Variants in EML1 observed in about 807,000 individuals in gnomAD.
EML1 encodes EMAP like 1.
EML1 carries 27 observed loss-of-function variants against 110.4 expected under a neutral mutation model. The ratio of observed to expected loss-of-function variants is 0.24; its 90% CI spans 0.18 to 0.34. The LOEUF is 0.34. Ranked by LOEUF, EML1 falls within the 10% of genes least tolerant of loss-of-function variation. The pLI is 1.00. For synonymous variants in EML1, 344 were observed against 385.8 expected, an observed-to-expected ratio of 0.89 and a Z score of 1.27; for missense variants, 741 against 1,030.9, an observed-to-expected ratio of 0.72 and a Z score of 3.85.
chr14:99,877,525 G>A (rs1020715547), intron 3 of EML1, among the ~76,000 whole-genome samples: 7 of 152,144 alleles, frequency 4.6e-5, no homozygotes, highest in South Asian at 2.1e-4. Context: ...GATCTTTCCC[G>A]GAATTTCGCA....
At chr14:99,778,249 T>A (rs1246808030) in intron 1 of EML1, among the ~76,000 whole-genome samples, 2 of 152,258 alleles carry the variant, frequency 1.3e-5, no homozygotes, top group Admixed American at 6.5e-5. Flanking sequence ...AAATTTGGCC[T>A]GTGTGTTTAT....
chr14:99,853,236 C>T (rs2058841453), intron 2 of EML1, among the ~76,000 whole-genome samples: 1 of 152,260 alleles, frequency 6.6e-6, no homozygotes, highest in South Asian at 2.1e-4. Flanking sequence ...GCCAGAAGGT[C>T]ACACCAAGAA....
At chr14:99,754,297 G>T (rs904899644) in intron 1 of EML1, among the ~76,000 whole-genome samples, 1 of 152,216 alleles carries the variant, frequency 6.6e-6, no homozygotes, top group Admixed American at 6.5e-5. Flanking sequence ...CCAGCTTGGC[G>T]GGGTCGGCCA....
intron 1 of EML1, among the ~76,000 whole-genome samples, chr14:99,829,209 C>T (rs2058409697): frequency 6.6e-6 from 1 of 152,144 alleles, no homozygotes; most frequent in Admixed American, 6.6e-5. Context: ...AAAACCCAGC[C>T]ACCAGTGTCA....
intron 1 of EML1, among the ~76,000 whole-genome samples, chr14:99,828,075 A>G (rs1457905999): frequency 6.6e-6 from 1 of 152,170 alleles, no homozygotes; most frequent in African/African-American, 2.4e-5. Context: ...GATTCTAGTC[A>G]TGTATGTGTT....
chr14:99,739,508 C>T (rs1307931386), intron 1 of EML1, among the ~76,000 whole-genome samples: 1 of 152,212 alleles, frequency 6.6e-6, no homozygotes, highest in African/African-American at 2.4e-5. Flanking sequence ...CATCCCTTCC[C>T]CATCTAGGAG....
intron 1 of EML1, among the ~76,000 whole-genome samples, chr14:99,801,789 C>T (rs1196566321): frequency 6.6e-6 from 1 of 152,102 alleles, no homozygotes; most frequent in Non-Finnish European, 1.5e-5. Context: ...TTGGTTTTGG[C>T]AGCAGACCTA....
upstream of EML1, among the ~76,000 whole-genome samples, chr14:99,769,734 C>G (rs1031485825): frequency 1.3e-5 from 2 of 152,186 alleles, no homozygotes; most frequent in African/African-American, 4.8e-5. Context: ...CTCAGGTTTT[C>G]TCAGGACACC....
chr14:99,769,315 A>G (rs902968361), upstream of EML1, among the ~76,000 whole-genome samples: 1 of 152,184 alleles, frequency 6.6e-6, no homozygotes, highest in Non-Finnish European at 1.5e-5. Context: ...GACAGGGAGC[A>G]CTGTTCCAAG....
chr14:99,748,248 GC>G (rs2140169194), intron 1 of EML1, among the ~76,000 whole-genome samples: 1 of 152,270 alleles, frequency 6.6e-6, no homozygotes, highest in Admixed American at 6.5e-5. Context: ...CCCCAGGCCT[GC>G]CCACTCAGAG....
At position 99,941,570 on chromosome 14, in the gene EML1, T is replaced by C. The variant is rs549697846; in HGVS notation, c.*1458T>C. Reference sequence around the variant, plus strand: ...ATTGACCTATATTCATGAAAGCATATAAATTAAAATATTTAAAATTAGATA... The same window carrying C: ...ATTGACCTATATTCATGAAAGCATACAAATTAAAATATTTAAAATTAGATA... On this transcript the variant is annotated 3_prime_UTR_variant, in exon 22 of 22. Transcript: ENST00000262233. The C allele has an allele frequency of 6.6e-6, 1 of 152,352 alleles. No individual in the cohort carries two copies. Among genetic ancestry groups the C allele is most frequent in the East Asian group, 1.9e-4 (1 of 5,194 alleles). The allele number at this position is 152,352 out of a possible 1,614,324, so 9.4% of individuals were successfully genotyped here.
At chr14:99,921,358 T>C (rs1005593652) in intron 17 of EML1, among the ~76,000 whole-genome samples, 2 of 152,222 alleles carry the variant, frequency 1.3e-5, no homozygotes, top group African/African-American at 4.8e-5. Context: ...GTCTTTGCTA[T>C]TGTATTCACT....
At chr14:99,901,064 G>C (rs781341466) in intron 9 of EML1, 25 bp downstream of exon 9, 8 of 1,586,320 alleles carry the variant, frequency 5.0e-6, no homozygotes. Flanking sequence ...TGTGGATATT[G>C]CTGTCTTCTT....
Position 99,863,196 on chromosome 14 carries a change from A to C in EML1, c.251-2318A>C, listed in dbSNP as rs1161414075. ...CACCTTTGTGGGAAGCACCCTTACT[A>C]ACTAGAATACAGTGCTGATGCGCAG... On this transcript the variant is annotated intron_variant, in intron 2 of 21. Coordinates refer to ENST00000262233, the MANE Select transcript of EML1 (RefSeq NM_004434.3). Among the ~76,000 whole-genome samples, 13 of 152,298 alleles carry C rather than the reference A, an allele frequency of 8.5e-5. No individual in the cohort carries two copies. The South Asian group carries it at 2.7e-3, about 32-fold the overall frequency.
At chr14:99,793,222 C>T (rs2057700497), upstream of EML1, 1 of 554,602 alleles carries the variant, frequency 1.8e-6, no homozygotes, top group Admixed American at 6.6e-5. Flanking sequence ...CTCGGCCCCG[C>T]CCCGCCACGT....
chr14:99,790,866 C>CTTT (rs58349128), upstream of EML1, among the ~76,000 whole-genome samples: 3 of 142,682 alleles, frequency 2.1e-5, no homozygotes, highest in Admixed American at 6.9e-5. Context: ...TTTTCTTTTC[C>CTTT]TTTTTTTTTG....
intron 1 of EML1, chr14:99,850,380 A>G (rs754912043): frequency 2.3e-6 from 3 of 1,282,854 alleles, no homozygotes; most frequent in Non-Finnish European, 3.1e-6. Flanking sequence ...TGCCAAACTC[A>G]TATTGCTTTA....
At chr14:99,747,525 G>A (rs544218359) in intron 1 of EML1, among the ~76,000 whole-genome samples, 1 of 152,300 alleles carries the variant, frequency 6.6e-6, no homozygotes, top group African/African-American at 2.4e-5. Context: ...GTAGACAGTG[G>A]AGAAGGGTGG....
At chr14:99,893,161 A>G (rs1348110758) in intron 5 of EML1, among the ~76,000 whole-genome samples, 1 of 152,188 alleles carries the variant, frequency 6.6e-6, no homozygotes, top group Non-Finnish European at 1.5e-5. Context: ...GCTGTGGCAG[A>G]TGAGGTCCTG....
Sources: gnomAD v4.1 joint callset for allele counts (sites outside exome capture counted in the v4.1 genomes callset) on GRCh38, gnomAD v4.1.1 for gene constraint, MANE v1.5 for transcripts, NCBI Gene and HGNC (gene_info 2026-07-23, HGNC 2026-07-21) for gene names.